The following PCDH15 variants were observed in gnomAD, a reference collection of about 807,000 sequenced individuals.
The protein encoded by PCDH15 is protocadherin related 15.
PCDH15 carries 129 observed loss-of-function variants against 178.5 expected under a neutral mutation model. The ratio of observed to expected loss-of-function variants is 0.72; its 90% CI spans 0.63 to 0.84. The LOEUF (loss-of-function observed/expected upper bound fraction) is 0.84. Among genes scored for constraint, PCDH15 ranks in the 40% least tolerant of loss-of-function variants. The pLI is 0.00. For synonymous variants in PCDH15, 800 were observed against 732.0 expected (o/e 1.09, Z -1.50); for missense variants, 2,230 against 2,099.9 (o/e 1.06, Z -1.21).
chr10:53,823,944 T>C (rs1022124969), intron 32 of PCDH15, among the ~76,000 whole-genome samples: 1 of 152,200 alleles, frequency 6.6e-6, no homozygotes, highest in African/African-American at 2.4e-5. Flanking sequence ...GAATGTATGC[T>C]AGAATTGTGA....
intron 1 of PCDH15, among the ~76,000 whole-genome samples, chr10:54,780,367 G>C (rs2133394361): frequency 6.6e-6 from 1 of 152,296 alleles, no homozygotes; most frequent in East Asian, 1.9e-4. Flanking sequence ...AGAGATGTCA[G>C]CATTAGCTAG....
At chr10:53,825,091 C>G (rs1490235476) in intron 32 of PCDH15, 2 of 1,517,176 alleles carry the variant, frequency 1.3e-6, no homozygotes, top group Non-Finnish European at 1.8e-6. Flanking sequence ...TCTATTGTAT[C>G]TATTTTTCTA....
intron 2 of PCDH15, among the ~76,000 whole-genome samples, chr10:54,921,244 G>A (rs905347793): frequency 6.6e-6 from 1 of 151,830 alleles, no homozygotes; most frequent in Non-Finnish European, 1.5e-5. Flanking sequence ...CATACTTTTT[G>A]CTTAACTTTA....
At chr10:55,362,833 C>A (rs1845262291) in intron 2 of PCDH15, among the ~76,000 whole-genome samples, 1 of 152,130 alleles carries the variant, frequency 6.6e-6, no homozygotes, top group African/African-American at 2.4e-5. Flanking sequence ...TCTTCTTTAT[C>A]TCTATAATTT....
intron 8 of PCDH15, among the ~76,000 whole-genome samples, chr10:54,256,153 A>T (rs1352807109): frequency 1.3e-5 from 2 of 152,146 alleles, no homozygotes; most frequent in East Asian, 3.9e-4. Flanking sequence ...GAATCAGGTG[A>T]TGTCTAAGAC....
intron 2 of PCDH15, among the ~76,000 whole-genome samples, chr10:55,416,555 A>G (rs1175825756): frequency 6.6e-6 from 1 of 151,764 alleles, no homozygotes; most frequent in African/African-American, 2.4e-5. Flanking sequence ...AGGGGTGGGT[A>G]TCAGGGGAAT....
intron 2 of PCDH15, among the ~76,000 whole-genome samples, chr10:55,033,155 G>A (rs12416394): frequency 0.062 from 9,369 of 152,182 alleles, 396 homozygotes; most frequent in African/African-American, 0.11. Flanking sequence ...ATTTTGTCAC[G>A]GGCGGGAGCA....
intron 32 of PCDH15, chr10:53,823,197 G>A (rs767016017): frequency 6.2e-7 from 1 of 1,614,006 alleles, no homozygotes. Context: ...GAATTTTCTT[G>A]CAGACTTCAG....
chr10:54,718,172 TAGTG>T lies in PCDH15; in HGVS notation c.-28-53886_-28-53883del, dbSNP rs1025885120. 4.4e-4 allele frequency among the ~76,000 whole-genome samples: 66 copies of T among 149,704 alleles called. 4 individuals carry two copies. Among genetic ancestry groups the T allele is most frequent in the Admixed American group, 4.2e-3 (62 of 14,884 alleles). On this transcript the variant is annotated intron_variant, in intron 1 of 37. Coordinates refer to ENST00000644397, the MANE Select transcript of PCDH15 (RefSeq NM_001384140.1). ...ATATACCTAATGCTAGGTGACGAGT[TAGTG>T]GGTGCAGCGCACCAGCATGTCACAT...
chr10:55,286,517 C>A (rs1231044565), intron 1 of PCDH15, among the ~76,000 whole-genome samples: 2 of 148,242 alleles, frequency 1.3e-5, no homozygotes. Context: ...TTTTTTTGGT[C>A]TATGTAATTT....
intron 18 of PCDH15, among the ~76,000 whole-genome samples, chr10:54,023,641 G>A (rs1384227336): frequency 6.7e-6 from 1 of 148,494 alleles, no homozygotes; most frequent in Non-Finnish European, 1.5e-5. Flanking sequence ...TACACATTAT[G>A]TTTGTTTATA....
At chr10:54,564,353 G>A (rs1174653214) in intron 2 of PCDH15, among the ~76,000 whole-genome samples, 1 of 152,080 alleles carries the variant, frequency 6.6e-6, no homozygotes, top group South Asian at 2.1e-4. Flanking sequence ...GGCTAAATAG[G>A]AATTAAAGTC....
chr10:55,239,852 A>G (rs904144952), intron 1 of PCDH15, among the ~76,000 whole-genome samples: 1 of 152,192 alleles, frequency 6.6e-6, no homozygotes, highest in Non-Finnish European at 1.5e-5. Context: ...AAAATAAAAT[A>G]ATCTGACTAT....
At chr10:54,625,627 G>T (rs1245472962) in intron 2 of PCDH15, among the ~76,000 whole-genome samples, 2 of 152,170 alleles carry the variant, frequency 1.3e-5, no homozygotes, top group Admixed American at 6.5e-5. Flanking sequence ...CTTCCACCAT[G>T]ATTGTGAGGC....
chr10:55,559,160 T>A (rs1842145533), intron 2 of PCDH15, among the ~76,000 whole-genome samples: 2 of 151,982 alleles, frequency 1.3e-5, no homozygotes, highest in Admixed American at 1.3e-4. Flanking sequence ...GTAAGGCACA[T>A]CACAGATGAT....
chr10:54,149,967 AG>A (rs1189680598), intron 14 of PCDH15, among the ~76,000 whole-genome samples: 4 of 152,030 alleles, frequency 2.6e-5, no homozygotes, highest in Non-Finnish European at 5.9e-5. Context: ...GATGACTCTA[AG>A]GGTGTTTGGT....
chr10:54,465,610 C>T (rs1397862685), intron 3 of PCDH15, among the ~76,000 whole-genome samples: 1 of 151,856 alleles, frequency 6.6e-6, no homozygotes, highest in East Asian at 1.9e-4. Context: ...TCATTGTGTG[C>T]CAATACCATA....
chr10:54,963,305 T>C (rs1393093944), intron 2 of PCDH15, among the ~76,000 whole-genome samples: 1 of 151,558 alleles, frequency 6.6e-6, no homozygotes, highest in African/African-American at 2.4e-5. Flanking sequence ...AAAAGAAGGA[T>C]AGAATATCTG....
intron 26 of PCDH15, among the ~76,000 whole-genome samples, chr10:53,875,526 G>A (rs752453504): frequency 8.6e-5 from 13 of 151,794 alleles, no homozygotes; most frequent in Non-Finnish European, 1.9e-4. Flanking sequence ...TTTATGCTCA[G>A]TTCACAACAA....
Sources: gnomAD v4.1 joint callset for allele counts (sites outside exome capture counted in the v4.1 genomes callset) on GRCh38, gnomAD v4.1.1 for gene constraint, MANE v1.5 for transcripts, NCBI Gene and HGNC (gene_info 2026-07-23, HGNC 2026-07-21) for gene names.